Variants in POU6F2 observed in about 807,000 individuals in gnomAD.
The protein encoded by POU6F2 is POU domain, class 6, transcription factor 2.
In POU6F2, 31 loss-of-function variants were observed where a neutral mutation model predicts 71.3. That is an observed-to-expected ratio of 0.43 (90% CI 0.33 to 0.59). The LOEUF is 0.59. POU6F2 is among the 20% of genes least tolerant of loss of function. The pLI is 0.04. For synonymous variants in POU6F2, 347 were observed against 355.7 expected (o/e 0.98, Z 0.27); for missense variants, 783 against 856.8 (o/e 0.91, Z 1.07).
chr7:39,235,695 G>T (rs892135313), intron 4 of POU6F2, among the ~76,000 whole-genome samples: 1 of 152,182 alleles, frequency 6.6e-6, no homozygotes, highest in African/African-American at 2.4e-5. Context: ...TAGGCGTATT[G>T]TAATTTATAC....
At chr7:39,313,956 C>G (rs954293450) in intron 4 of POU6F2, among the ~76,000 whole-genome samples, 2 of 152,196 alleles carry the variant, frequency 1.3e-5, no homozygotes, top group African/African-American at 2.4e-5. Flanking sequence ...GGAGAATTCC[C>G]TACCATCTAA....
At chr7:39,397,826 A>G (rs923835761) in intron 5 of POU6F2, among the ~76,000 whole-genome samples, 4 of 145,262 alleles carry the variant, frequency 2.8e-5, no homozygotes, top group African/African-American at 1.0e-4. Flanking sequence ...ATATATATAT[A>G]TATATATAGT....
At chr7:39,059,651 A>G (rs928902321) in intron 1 of POU6F2, among the ~76,000 whole-genome samples, 6 of 152,244 alleles carry the variant, frequency 3.9e-5, no homozygotes, top group African/African-American at 1.4e-4. Context: ...TATAGTTACC[A>G]TATGATCAAG....
chr7:39,117,071 C>T (rs763810938), intron 2 of POU6F2, among the ~76,000 whole-genome samples: 1 of 152,096 alleles, frequency 6.6e-6, no homozygotes, highest in Non-Finnish European at 1.5e-5. Flanking sequence ...TATGCAGTTG[C>T]ATTTCAATCT....
At chr7:39,414,574 C>T (rs1787628125) in intron 6 of POU6F2, among the ~76,000 whole-genome samples, 1 of 152,224 alleles carries the variant, frequency 6.6e-6, no homozygotes, top group Admixed American at 6.5e-5. Flanking sequence ...GCGGACTTGA[C>T]AGGAAGCTTT....
intron 5 of POU6F2, among the ~76,000 whole-genome samples, chr7:39,392,101 TTTAG>T (rs1337320784): frequency 1.3e-5 from 2 of 152,228 alleles, no homozygotes; most frequent in African/African-American, 4.8e-5. Context: ...GAAAATTCTA[TTTAG>T]TTAATACATT....
In POU6F2 at chr7:39,370,392, A is replaced by G. The variant is rs375714141; in HGVS notation, c.972+30377A>G. Among the ~76,000 whole-genome samples, 46 of 152,354 alleles carry G rather than the reference A, an allele frequency of 3.0e-4. No individual in the cohort carries two copies. In the East Asian group the frequency reaches 8.1e-3, roughly 27 times the overall value. On this transcript the variant is annotated intron_variant, in intron 5 of 9. Transcript: ENST00000518318. ...CTCTCAAAGACCCAAAGAGGAGCCA[A>G]CTGAGAACTGAAAGTGTCCAAGAGG...
At chr7:39,435,490 G>C (rs926533860) in intron 7 of POU6F2, among the ~76,000 whole-genome samples, 9 of 151,862 alleles carry the variant, frequency 5.9e-5, no homozygotes, top group African/African-American at 2.2e-4. Flanking sequence ...TTTTTTTCTT[G>C]TAAATTTGTT....
intron 1 of POU6F2, among the ~76,000 whole-genome samples, chr7:38,993,761 A>G (rs1029792174): frequency 2.6e-5 from 4 of 152,142 alleles, no homozygotes; most frequent in Non-Finnish European, 5.9e-5. Context: ...TAATGCATCA[A>G]CGTAGCATTC....
intron 4 of POU6F2, among the ~76,000 whole-genome samples, chr7:39,326,768 A>G (rs1420079725): frequency 2.0e-5 from 3 of 152,314 alleles, no homozygotes; most frequent in South Asian, 4.1e-4. Flanking sequence ...CGAGGAGCAG[A>G]ATTTTCATAC....
In POU6F2 at chr7:39,207,627, C is replaced by T; in HGVS notation, c.598+7C>T. ...CCACTGCAAAATCTACAAGGTAATC[C>T]ATAATGTCCATGCGCCACGTAAGGC... On this transcript the variant is annotated splice_region_variant and intron_variant, in intron 4 of 9. Transcript: ENST00000518318. 6.2e-7 allele frequency: 1 copy of T among 1,611,200 alleles called. No individual in the cohort carries two copies. The highest frequency in any genetic ancestry group is 8.5e-7 in the Non-Finnish European group (1 of 1,178,076).
At chr7:39,067,924 G>A (rs1287364892) in intron 1 of POU6F2, among the ~76,000 whole-genome samples, 1 of 152,070 alleles carries the variant, frequency 6.6e-6, no homozygotes, top group Non-Finnish European at 1.5e-5. Flanking sequence ...ACAAAAGAGA[G>A]GCTTTCTCAT....
intron 1 of POU6F2, among the ~76,000 whole-genome samples, chr7:39,060,649 C>T (rs1790637436): frequency 1.3e-5 from 2 of 152,298 alleles, no homozygotes; most frequent in African/African-American, 4.8e-5. Context: ...TCCAACAATG[C>T]TGTGTAGCTA....
chr7:39,226,346 C>T (rs1371144610), intron 4 of POU6F2, among the ~76,000 whole-genome samples: 2 of 152,100 alleles, frequency 1.3e-5, no homozygotes, highest in Admixed American at 6.5e-5. Flanking sequence ...AGTGGAGAGG[C>T]CTGTATCCTT....
At chr7:39,069,436 G>C (rs927165878) in intron 1 of POU6F2, among the ~76,000 whole-genome samples, 1 of 152,148 alleles carries the variant, frequency 6.6e-6, no homozygotes, top group Non-Finnish European at 1.5e-5. Context: ...TTTCTGACGA[G>C]CTCAAGACCG....
chr7:39,337,210 T>C (rs1245126100), intron 4 of POU6F2, among the ~76,000 whole-genome samples: 1 of 152,254 alleles, frequency 6.6e-6, no homozygotes, highest in Non-Finnish European at 1.5e-5. Flanking sequence ...GACACGGCTT[T>C]ACCGTAACTC....
At chr7:39,317,954 C>A (rs1236188968) in intron 4 of POU6F2, among the ~76,000 whole-genome samples, 2 of 152,160 alleles carry the variant, frequency 1.3e-5, no homozygotes, top group Admixed American at 6.6e-5. Flanking sequence ...CTGTGGTGAG[C>A]CTCTTAAAGA....
intron 4 of POU6F2, among the ~76,000 whole-genome samples, chr7:39,311,286 A>G (rs116936868): frequency 1.4e-5 from 2 of 143,846 alleles, no homozygotes; most frequent in African/African-American, 5.1e-5. Flanking sequence ...CTAAAAAATT[A>G]AAAAAAAAAA....
chr7:39,102,817 T>C (rs1442263041), intron 2 of POU6F2, among the ~76,000 whole-genome samples: 2 of 152,214 alleles, frequency 1.3e-5, no homozygotes, highest in East Asian at 1.9e-4. Flanking sequence ...CTTAGGTTTG[T>C]ATGGTACAGC....
Sources: allele counts gnomAD v4.1 joint callset (sites outside exome capture counted in the v4.1 genomes callset), GRCh38; gene constraint gnomAD v4.1.1; transcripts MANE v1.5; gene names NCBI Gene and HGNC (gene_info 2026-07-23, HGNC 2026-07-21).